The following CGGBP1 variants were observed in gnomAD, a reference collection of about 807,000 sequenced individuals.
CGGBP1 encodes CGG triplet repeat binding protein 1.
Under a neutral mutation model 11.4 loss-of-function variants are expected in CGGBP1, and 4 were observed. The observed-to-expected ratio is 0.35, with a 90% CI of 0.17 to 0.80. CGGBP1 has a LOEUF of 0.80. Ranked by LOEUF, CGGBP1 falls within the 30% of genes least tolerant of loss-of-function variation. CGGBP1 has a pLI of 0.52. For synonymous variants in CGGBP1, 76 were observed against 74.1 expected, an observed-to-expected ratio of 1.03 and a Z score of -0.13; for missense variants, 135 against 202.1, an observed-to-expected ratio of 0.67 and a Z score of 2.01.
At chr3:88,130,986 C>T (rs1706423711) in intron 2 of CGGBP1, among the ~76,000 whole-genome samples, 1 of 152,100 alleles carries the variant, frequency 6.6e-6, no homozygotes, top group African/African-American at 2.4e-5. Context: ...CCTTTATATA[C>T]AGTTATGCAG....
intron 2 of CGGBP1, among the ~76,000 whole-genome samples, chr3:88,100,568 C>T (rs1704352487): frequency 6.6e-6 from 1 of 152,160 alleles, no homozygotes; most frequent in Admixed American, 6.5e-5. Flanking sequence ...CTCAAATGTC[C>T]ATCAATGATA....
chr3:88,053,431 TAA>T lies in CGGBP1; in HGVS notation c.*2040_*2041del, dbSNP rs901012757. 11 of 152,160 alleles carry T rather than the reference TAA, an allele frequency of 7.2e-5. No homozygotes were observed. Among genetic ancestry groups the T allele is most frequent in the East Asian group, 3.9e-4 (2 of 5,188 alleles). 9.4% of individuals were successfully genotyped at this position (152,160 alleles called of 1,614,324 possible). ...TAATTAGGAGTCTGAAAAAATACATTAAGATATATAAAATTTAAGTGATTATC... is the reference window on the plus strand; with the variant it reads ...TAATTAGGAGTCTGAAAAAATACATTGATATATAAAATTTAAGTGATTATC... On this transcript the variant is annotated 3_prime_UTR_variant, in exon 4 of 4. Coordinates refer to ENST00000482016, the MANE Select transcript of CGGBP1 (RefSeq NM_001008390.2).
chr3:88,059,228 G>A, upstream of CGGBP1: 2 of 1,501,100 alleles, frequency 1.3e-6, no homozygotes, highest in South Asian at 1.3e-5. Flanking sequence ...AGGGAAGGGG[G>A]AGGGAACTAG....
intron 2 of CGGBP1, among the ~76,000 whole-genome samples, chr3:88,131,404 C>T (rs1261924166): frequency 2.0e-5 from 3 of 152,092 alleles, no homozygotes; most frequent in African/African-American, 7.2e-5. Flanking sequence ...TAGATCTTTT[C>T]CTATGGGAAT....
rs2116149 is a variant in CGGBP1 at position 88,054,452 on chromosome 3, C to A, written c.*1021G>T. 0.78 allele frequency: 119,188 copies of A among 152,146 alleles called. 47,607 individuals carry two copies. The highest frequency in any genetic ancestry group is 0.91 in the South Asian group (4,392 of 4,830). 9.4% of individuals were successfully genotyped at this position (152,146 alleles called of 1,614,324 possible). ...CCAGAATTTCTAGACAATTGTTTACCATCCATGTTAAAAACCTTGTACCAC... is the reference window on the plus strand; with the variant it reads ...CCAGAATTTCTAGACAATTGTTTACAATCCATGTTAAAAACCTTGTACCAC... On this transcript the variant is annotated 3_prime_UTR_variant, in exon 4 of 4. Transcript: ENST00000482016.
chr3:88,080,734 G>T (rs1453969115), intron 2 of CGGBP1, among the ~76,000 whole-genome samples: 1 of 152,176 alleles, frequency 6.6e-6, no homozygotes, highest in Non-Finnish European at 1.5e-5. Flanking sequence ...AAAAGTAAAT[G>T]TAGAAATCTG....
chr3:88,083,811 A>C (rs909945155), intron 2 of CGGBP1, among the ~76,000 whole-genome samples: 5 of 152,148 alleles, frequency 3.3e-5, no homozygotes, highest in African/African-American at 1.2e-4. Flanking sequence ...CAAAAAAGAA[A>C]AAAAGTGAAA....
chr3:88,090,910 G>T (rs535131322), intron 2 of CGGBP1, among the ~76,000 whole-genome samples: 1 of 152,206 alleles, frequency 6.6e-6, no homozygotes, highest in Non-Finnish European at 1.5e-5. Context: ...GAAAGTTTAC[G>T]AATTTGTGTT....
intron 1 of CGGBP1, among the ~76,000 whole-genome samples, chr3:88,148,251 CTA>C (rs1248565429): frequency 6.6e-6 from 1 of 152,190 alleles, no homozygotes; most frequent in Non-Finnish European, 1.5e-5. Context: ...TGTTTACTGT[CTA>C]TTTCCTCCCA....
upstream of CGGBP1, among the ~76,000 whole-genome samples, chr3:88,059,691 T>A (rs934414352): frequency 6.6e-6 from 1 of 151,830 alleles, no homozygotes; most frequent in African/African-American, 2.4e-5. Flanking sequence ...AAGGCGAGGG[T>A]GACCCACGGG....
chr3:88,055,732 T>C lies in CGGBP1; in HGVS notation c.245A>G (p.Lys82Arg), dbSNP rs1396768537. The part of the protein sequence containing the change: ...AEFEEQNVRK[K>R]QRPLTASLQC... The stretch of plus-strand genomic sequence containing the variant: ...AAGAGATGCAGTTAGGGGCCTCTGC[T>C]TCTTTCTCACATTCTGCTCTTCAAA... The change falls in exon 4 of 4, where the codon AAG becomes AGG. Residue 82 changes from lysine (K) to arginine (R), a missense_variant. Lys to Arg is a conservative substitution (Grantham distance 26, BLOSUM62 2). Coordinates refer to ENST00000482016, the MANE Select transcript of CGGBP1 (RefSeq NM_001008390.2). The surrounding 1 kb of genome is among the most constrained non-coding windows in gnomAD (Gnocchi z 4.2). The C allele has an allele frequency of 6.2e-7, 1 of 1,614,224 alleles. No homozygotes were observed. The highest frequency in any genetic ancestry group is 8.5e-7 in the Non-Finnish European group (1 of 1,180,034).
intron 2 of CGGBP1, among the ~76,000 whole-genome samples, chr3:88,090,709 C>T (rs1237255831): frequency 1.3e-5 from 2 of 152,130 alleles, no homozygotes; most frequent in Non-Finnish European, 2.9e-5. Context: ...CTTGCAAGCT[C>T]CATTCATGGT....
At chr3:88,135,091 G>C (rs1706698065) in intron 2 of CGGBP1, 1 of 1,468,712 alleles carries the variant, frequency 6.8e-7, no homozygotes. Flanking sequence ...GTAAACTACA[G>C]CTTAAATCTA....
At chr3:88,087,852 T>C (rs1576241765) in intron 2 of CGGBP1, among the ~76,000 whole-genome samples, 1 of 151,088 alleles carries the variant, frequency 6.6e-6, no homozygotes, top group Non-Finnish European at 1.5e-5. Context: ...GCATTAGAGG[T>C]TGAGTATCCC....
At chr3:88,060,814 G>A (rs1209547280), upstream of CGGBP1, among the ~76,000 whole-genome samples, 5 of 151,874 alleles carry the variant, frequency 3.3e-5, no homozygotes, top group East Asian at 5.8e-4. Flanking sequence ...ATGCTTGTAA[G>A]GGAAAGCTTG....
intron 1 of CGGBP1, among the ~76,000 whole-genome samples, chr3:88,145,266 G>GA (rs1309758772): frequency 6.6e-6 from 1 of 151,934 alleles, no homozygotes; most frequent in East Asian, 1.9e-4. Context: ...CTTGCAATTG[G>GA]AAAAAATGGG....
At chr3:88,071,297 G>C (rs965767848) in intron 2 of CGGBP1, among the ~76,000 whole-genome samples, 9 of 151,742 alleles carry the variant, frequency 5.9e-5, no homozygotes, top group Non-Finnish European at 1.2e-4. Context: ...ATCACCTGAG[G>C]TCAGGAGTTT....
chr3:88,060,049 G>T (rs1706770985), upstream of CGGBP1, among the ~76,000 whole-genome samples: 1 of 152,016 alleles, frequency 6.6e-6, no homozygotes, highest in African/African-American at 2.4e-5. Flanking sequence ...TCCAGTTGGC[G>T]TAGACGCTGA....
At chr3:88,092,512 A>T (rs1343396269) in intron 2 of CGGBP1, among the ~76,000 whole-genome samples, 1 of 152,212 alleles carries the variant, frequency 6.6e-6, no homozygotes, top group Non-Finnish European at 1.5e-5. Flanking sequence ...TGAAGGAATG[A>T]CAGGAATAAC....
Sources: allele counts gnomAD v4.1 joint callset (sites outside exome capture counted in the v4.1 genomes callset), GRCh38; gene constraint gnomAD v4.1.1; non-coding constraint Gnocchi (gnomAD v3.1); transcripts MANE v1.5; gene names NCBI Gene and HGNC (gene_info 2026-07-23, HGNC 2026-07-21).